Variants in ABI3BP observed in about 807,000 individuals in gnomAD.
ABI3BP encodes the protein ABI family member 3 binding protein.
ABI3BP carries 216 observed loss-of-function variants against 268.6 expected under a neutral mutation model. That is an observed-to-expected ratio of 0.80 (90% CI 0.72 to 0.90). ABI3BP has a LOEUF of 0.90. Ranked by LOEUF, ABI3BP falls within the 40% of genes least tolerant of loss-of-function variation. The pLI, the probability that ABI3BP is intolerant of heterozygous loss-of-function variation, is 0.00. For synonymous variants in ABI3BP, 730 were observed against 730.0 expected (o/e 1.00, Z 0.00); for missense variants, 2,090 against 2,182.4 (o/e 0.96, Z 0.84).
chr3:100,801,860 T>C (rs2097545889), intron 51 of ABI3BP, among the ~76,000 whole-genome samples: 1 of 152,196 alleles, frequency 6.6e-6, no homozygotes, highest in Non-Finnish European at 1.5e-5. Context: ...CCAACTCCTA[T>C]TTTGACAAAA....
At chr3:100,970,697 G>A (rs1021318458) in intron 1 of ABI3BP, among the ~76,000 whole-genome samples, 1 of 152,148 alleles carries the variant, frequency 6.6e-6, no homozygotes, top group Non-Finnish European at 1.5e-5. Flanking sequence ...TTTCCTCCTC[G>A]CAGGGTAGTT....
chr3:100,964,049 G>A (rs1301121089), intron 1 of ABI3BP, among the ~76,000 whole-genome samples: 2 of 152,172 alleles, frequency 1.3e-5, no homozygotes, highest in African/African-American at 4.8e-5. Context: ...TAGGCAGATA[G>A]TAAGGGTATG....
At chr3:100,979,029 T>C (rs1328384742) in intron 1 of ABI3BP, among the ~76,000 whole-genome samples, 1 of 152,196 alleles carries the variant, frequency 6.6e-6, no homozygotes, top group African/African-American at 2.4e-5. Flanking sequence ...GCATTGCTAG[T>C]ATCATCTGGG....
chr3:100,810,506 T>C (rs2097836928), intron 48 of ABI3BP, 29 bp from the exon 49 acceptor site: 2 of 1,488,644 alleles, frequency 1.3e-6, no homozygotes, highest in East Asian at 2.5e-5. Context: ...AGTACGCGGG[T>C]TACTATAGCA....
chr3:100,873,422 AG>A (rs1211291348), intron 9 of ABI3BP, among the ~76,000 whole-genome samples: 1 of 152,126 alleles, frequency 6.6e-6, no homozygotes, highest in African/African-American at 2.4e-5. Flanking sequence ...GTAAGTCTCC[AG>A]GGCAGGGAGG....
intron 1 of ABI3BP, among the ~76,000 whole-genome samples, chr3:100,927,771 C>T (rs918990396): frequency 2.0e-5 from 3 of 152,070 alleles, no homozygotes; most frequent in Admixed American, 6.6e-5. Flanking sequence ...TTGGGGATTA[C>T]AATTCAACAT....
intron 15 of ABI3BP, among the ~76,000 whole-genome samples, chr3:100,851,533 A>AC (rs1220114156): frequency 6.6e-6 from 1 of 152,000 alleles, no homozygotes; most frequent in African/African-American, 2.4e-5. Context: ...GTTGAAAATT[A>AC]CCCCCCATTT....
At chr3:100,913,161 G>A (rs1330791654) in intron 2 of ABI3BP, among the ~76,000 whole-genome samples, 5 of 152,084 alleles carry the variant, frequency 3.3e-5, no homozygotes, top group Admixed American at 3.3e-4. Context: ...GTCCTATTCC[G>A]GTGACAAAGA....
At chr3:100,916,935 G>T (rs2058778825) in intron 2 of ABI3BP, among the ~76,000 whole-genome samples, 1 of 152,190 alleles carries the variant, frequency 6.6e-6, no homozygotes, top group African/African-American at 2.4e-5. Context: ...CTAGGGTACT[G>T]TTGAAAGGGA....
At chr3:100,972,772 T>C (rs1241694645) in intron 1 of ABI3BP, among the ~76,000 whole-genome samples, 1 of 152,176 alleles carries the variant, frequency 6.6e-6, no homozygotes. Context: ...GGAACAGAAG[T>C]AGCAAATAAC....
At chr3:100,904,672 G>T (rs147843358) in intron 2 of ABI3BP, among the ~76,000 whole-genome samples, 1 of 151,848 alleles carries the variant, frequency 6.6e-6, no homozygotes. Context: ...GAATATCATC[G>T]CTGGCCATCA....
intron 67 of ABI3BP, among the ~76,000 whole-genome samples, chr3:100,751,336 T>A (rs1357135348): frequency 6.6e-6 from 1 of 152,150 alleles, no homozygotes; most frequent in East Asian, 1.9e-4. Flanking sequence ...AAGTTTAGAG[T>A]TTCTTGAAGT....
chr3:100,750,528 A>C lies in ABI3BP; in HGVS notation c.5328T>G (p.Tyr1776Ter). 1 of 1,613,224 alleles carries C rather than the reference A, an allele frequency of 6.2e-7. No homozygotes were observed. Among genetic ancestry groups the C allele is most frequent in the Non-Finnish European group, 8.5e-7 (1 of 1,179,412 alleles). The change falls in exon 68 of 68, where the codon TAT (tyrosine) becomes TAG (stop). Residue 1776 changes from tyrosine to a stop codon, truncating the protein, a stop_gained. Coordinates refer to ENST00000471714, the MANE Select transcript of ABI3BP (RefSeq NM_001375547.2). LOFTEE classifies it high-confidence loss of function. ...TTCCAGGAATTGTAGTCCCACATTC[A>C]TACCACTGAACATAATTGATTTGGG... ...GHTQINYVQW[Y>*]ECGTTIPGKW
At chr3:100,991,869 C>T (rs13064121) in intron 1 of ABI3BP, among the ~76,000 whole-genome samples, 15,713 of 151,758 alleles carry the variant, frequency 0.1, 1,096 homozygotes, top group Non-Finnish European at 0.15. Flanking sequence ...CTGGGATTGT[C>T]CAGAAGTTTG....
In ABI3BP at chr3:100,816,733, T is replaced by C; in HGVS notation, c.3184A>G (p.Arg1062Gly). ...TCAGGACTTGATGTAGTTTTGGGTC[T>C]GGGACGGGGACGACGTGTCCGTTGT... ...KTQRTRRPRP[R>G]PKTTSSPEVP... is the part of the protein sequence containing the mutation. The change falls in exon 43 of 68, where the codon AGA becomes GGA. Residue 1062 changes from arginine to glycine, a missense_variant. By Grantham distance (125) the Arg-to-Gly change is moderately radical. Transcript: ENST00000471714. The C allele has an allele frequency of 6.5e-7, 1 of 1,535,896 alleles. No homozygotes were observed. Among genetic ancestry groups the C allele is most frequent in the Non-Finnish European group, 8.7e-7 (1 of 1,146,704 alleles).
intron 50 of ABI3BP, among the ~76,000 whole-genome samples, chr3:100,807,710 G>T (rs997271399): frequency 6.6e-6 from 1 of 151,984 alleles, no homozygotes; most frequent in African/African-American, 2.4e-5. Context: ...CCCCAGACTA[G>T]ATTAGTGGTC....
intron 14 of ABI3BP, among the ~76,000 whole-genome samples, chr3:100,855,776 A>G (rs753655953): frequency 7.2e-5 from 11 of 152,256 alleles, no homozygotes; most frequent in Non-Finnish European, 1.5e-4. Flanking sequence ...AAAAAAATAT[A>G]TGAAGGAGCA....
At chr3:100,859,599 A>AAAAG (rs5851227) in intron 14 of ABI3BP, among the ~76,000 whole-genome samples, 51,583 of 151,804 alleles carry the variant, frequency 0.34, 9,345 homozygotes, top group African/African-American at 0.46. Context: ...GCACAAAATC[A>AAAAG]AAACAAAGGC....
At position 100,839,587 on chromosome 3, in the gene ABI3BP, G is replaced by T. The variant is rs746931861; in HGVS notation, c.1927C>A (p.Pro643Thr). 2.0e-6 allele frequency: 3 copies of T among 1,535,722 alleles called. No individual in the cohort carries two copies. The highest frequency in any genetic ancestry group is 1.4e-5 in the African/African-American group (1 of 72,992). Residue 643 changes from proline (P) to threonine (T), a missense_variant, in exon 24 of 68, where the codon CCC (proline) becomes ACC (threonine). Transcript: ENST00000471714. Reference sequence around the variant, plus strand: ...GAATTACCAGTTGTGGGCACCAAGGGCTCCGGTTGTATCGTGGCAGGTTCC... The same window carrying T: ...GAATTACCAGTTGTGGGCACCAAGGTCTCCGGTTGTATCGTGGCAGGTTCC... ...ALEPATIQPE[P>T]LVPTTASKPS...
Sources: allele counts gnomAD v4.1 joint callset (sites outside exome capture counted in the v4.1 genomes callset), GRCh38; gene constraint gnomAD v4.1.1; transcripts MANE v1.5; gene names NCBI Gene and HGNC (gene_info 2026-07-23, HGNC 2026-07-21).